The following ATP8A1 variants were observed in gnomAD, a reference collection of about 807,000 sequenced individuals.
The protein encoded by ATP8A1 is phospholipid-transporting ATPase IA.
In ATP8A1, 90 loss-of-function variants were observed where a neutral mutation model predicts 177.7. The ratio of observed to expected loss-of-function variants is 0.51; its 90% confidence interval spans 0.43 to 0.60. The LOEUF (loss-of-function observed/expected upper bound fraction) is 0.60, where lower values mean the gene tolerates loss of function less well. ATP8A1 is among the 20% of genes least tolerant of loss of function. The pLI is 0.00. For missense variants in ATP8A1, 1,072 were observed against 1,392.8 expected (o/e 0.77, Z 3.67); for synonymous variants, 493 against 485.9 (o/e 1.01, Z -0.19).
At chr4:42,555,842 C>CTAAATAAA (rs145505019) in intron 16 of ATP8A1, 126 bp downstream of exon 16, 18 of 576,492 alleles carry the variant, frequency 3.1e-5, no homozygotes, top group South Asian at 2.7e-4. Context: ...AACTAACTAA[C>CTAAATAAA]TAAATAAATA....
At position 42,411,572 on chromosome 4, in the gene ATP8A1, TCA is replaced by T. The variant is rs1198373552; in HGVS notation, c.*1342_*1343del. 6.6e-6 allele frequency: 1 copy of T among 152,202 alleles called. No individual in the cohort carries two copies. The highest frequency in any genetic ancestry group is 1.5e-5 in the Non-Finnish European group (1 of 68,032). 9.4% of individuals were successfully genotyped at this position (152,202 alleles called of 1,614,324 possible). ...TGGTTGTGGTTTTTAAACAGCCCCT[TCA>T]TTTACTGTTGGTAGCAAAATAGCCA... On this transcript the variant is annotated 3_prime_UTR_variant, in exon 37 of 37. Transcript: ENST00000381668.
intron 15 of ATP8A1, among the ~76,000 whole-genome samples, chr4:42,558,330 T>C (rs963518703): frequency 1.3e-5 from 2 of 152,240 alleles, no homozygotes; most frequent in African/African-American, 4.8e-5. Flanking sequence ...CTTTGCCTAG[T>C]AATTTTTGAG....
At chr4:42,558,830 CA>C (rs1730518645) in intron 15 of ATP8A1, among the ~76,000 whole-genome samples, 1 of 152,112 alleles carries the variant, frequency 6.6e-6, no homozygotes, top group Non-Finnish European at 1.5e-5. Context: ...ATTCAGAAAA[CA>C]TAATATATAA....
intron 1 of ATP8A1, among the ~76,000 whole-genome samples, chr4:42,654,620 C>A (rs960091972): frequency 6.6e-6 from 1 of 152,160 alleles, no homozygotes; most frequent in African/African-American, 2.4e-5. Context: ...CCATTCTCTC[C>A]CATACCAGCC....
chr4:42,534,242 G>A (rs1727555921), intron 20 of ATP8A1, among the ~76,000 whole-genome samples: 1 of 152,100 alleles, frequency 6.6e-6, no homozygotes, highest in African/African-American at 2.4e-5. Flanking sequence ...ACCAGAGAAA[G>A]GTGAAGTCTA....
intron 20 of ATP8A1, among the ~76,000 whole-genome samples, chr4:42,528,618 A>C (rs1578111232): frequency 1.3e-5 from 2 of 151,004 alleles, no homozygotes; most frequent in Non-Finnish European, 2.9e-5. Context: ...CTTTTTCTCC[A>C]CTCCTGCCTA....
intron 5 of ATP8A1, among the ~76,000 whole-genome samples, chr4:42,600,882 A>G (rs774759483): frequency 2.0e-5 from 3 of 152,202 alleles, no homozygotes; most frequent in Non-Finnish European, 4.4e-5. Flanking sequence ...GCAATGTTTA[A>G]AAAGAAAAAT....
At chr4:42,484,654 T>C (rs751714137) in intron 25 of ATP8A1, among the ~76,000 whole-genome samples, 39 of 152,168 alleles carry the variant, frequency 2.6e-4, no homozygotes, top group Admixed American at 1.2e-3. Flanking sequence ...GCACATAGAA[T>C]AGTTTTAAAG....
At chr4:42,531,660 C>CA (rs1335540524) in intron 20 of ATP8A1, among the ~76,000 whole-genome samples, 1 of 151,996 alleles carries the variant, frequency 6.6e-6, no homozygotes, top group Non-Finnish European at 1.5e-5. Flanking sequence ...CTTATATCTG[C>CA]AAAAAACTGA....
At chr4:42,598,891 G>T (rs1734975924) in intron 6 of ATP8A1, among the ~76,000 whole-genome samples, 1 of 152,032 alleles carries the variant, frequency 6.6e-6, no homozygotes, top group African/African-American at 2.4e-5. Context: ...AATAACTTCA[G>T]CTCTTTTGGG....
intron 30 of ATP8A1, 99 bp from the exon 31 acceptor site, chr4:42,446,743 G>A: frequency 9.1e-7 from 1 of 1,097,210 alleles, no homozygotes; most frequent in Non-Finnish European, 1.3e-6. Context: ...GGGAAATCAA[G>A]GGATACACAA....
chr4:42,489,753 C>G (rs1041581910), intron 24 of ATP8A1, among the ~76,000 whole-genome samples: 5 of 152,018 alleles, frequency 3.3e-5, no homozygotes, highest in African/African-American at 1.2e-4. Flanking sequence ...TTTATGGCTG[C>G]ATTGCATTGA....
intron 6 of ATP8A1, 129 bp from the exon 7 acceptor site, chr4:42,591,013 A>C (rs926962188): frequency 1.3e-6 from 1 of 790,142 alleles, no homozygotes; most frequent in East Asian, 2.7e-5. Flanking sequence ...TGTTAATAAA[A>C]ACATCTAATG....
Position 42,635,756 on chromosome 4 carries a change from C to T in ATP8A1, c.50-8647G>A, listed in dbSNP as rs555266610. 2.2e-3 allele frequency among the ~76,000 whole-genome samples: 121 copies of T among 54,634 alleles called. 5 individuals carry two copies. The South Asian group carries it at 0.06, about 27-fold the overall frequency. 35.8% of individuals were successfully genotyped at this position (54,634 alleles called of 152,430 possible). On this transcript the variant is annotated intron_variant, in intron 1 of 36. Coordinates refer to ENST00000381668, the MANE Select transcript of ATP8A1 (RefSeq NM_006095.2). The stretch of plus-strand genomic sequence containing the variant: ...ATACACACATATATACATATATATA[C>T]ACACACACACACACACACACACACA...
At chr4:42,544,843 GTTTC>G (rs1371074014) in intron 19 of ATP8A1, among the ~76,000 whole-genome samples, 3 of 152,124 alleles carry the variant, frequency 2.0e-5, no homozygotes, top group Non-Finnish European at 1.5e-5. Context: ...ACAGTCAGGA[GTTTC>G]TTTCAGAGGT....
chr4:42,524,632 T>C (rs1726490048), intron 21 of ATP8A1, 131 bp downstream of exon 21: 1 of 516,606 alleles, frequency 1.9e-6, no homozygotes, highest in Non-Finnish European at 3.3e-6. Context: ...TATAGTAAAA[T>C]CTAAATTGCC....
intron 36 of ATP8A1, among the ~76,000 whole-genome samples, chr4:42,414,265 T>C (rs919766642): frequency 6.6e-6 from 1 of 152,328 alleles, no homozygotes; most frequent in African/African-American, 2.4e-5. Context: ...TGCTTCCTTG[T>C]GTTGTATGAA....
At chr4:42,637,697 T>C (rs1252266020) in intron 1 of ATP8A1, among the ~76,000 whole-genome samples, 1 of 152,228 alleles carries the variant, frequency 6.6e-6, no homozygotes. Flanking sequence ...CACTGATAGA[T>C]AGATTCATGC....
At chr4:42,651,748 CT>C (rs1325013211) in intron 1 of ATP8A1, among the ~76,000 whole-genome samples, 2 of 152,204 alleles carry the variant, frequency 1.3e-5, no homozygotes, top group African/African-American at 4.8e-5. Flanking sequence ...CATGCTGTGA[CT>C]TTATGGAAGA....
Sources: gnomAD v4.1 joint callset for allele counts (sites outside exome capture counted in the v4.1 genomes callset) on GRCh38, gnomAD v4.1.1 for gene constraint, MANE v1.5 for transcripts, NCBI Gene and HGNC (gene_info 2026-07-23, HGNC 2026-07-21) for gene names.